Variants in FBXL7 observed in about 807,000 individuals in gnomAD.
The protein encoded by FBXL7 is F-box and leucine rich repeat protein 7, also known as F-box/LRR-repeat protein 7.
Under a neutral mutation model 38.3 loss-of-function variants are expected in FBXL7, and 12 were observed. That is an observed-to-expected ratio of 0.31 (90% CI 0.20 to 0.51). The LOEUF (loss-of-function observed/expected upper bound fraction) is 0.51. Ranked by LOEUF, FBXL7 falls within the 20% of genes least tolerant of loss-of-function variation. The pLI is 0.98. For synonymous variants in FBXL7, 297 were observed against 300.9 expected (o/e 0.99, Z 0.13); for missense variants, 567 against 676.4 (o/e 0.84, Z 1.79).
intron 1 of FBXL7, among the ~76,000 whole-genome samples, chr5:15,573,746 T>G (rs1245714436): frequency 6.6e-6 from 1 of 152,242 alleles, no homozygotes; most frequent in Non-Finnish European, 1.5e-5. Context: ...TCAGGAGTAA[T>G]GTCAGTGTGC....
intron 1 of FBXL7, among the ~76,000 whole-genome samples, chr5:15,612,735 C>T (rs923791792): frequency 6.6e-6 from 1 of 152,144 alleles, no homozygotes; most frequent in Non-Finnish European, 1.5e-5. Flanking sequence ...TCAGTGAAGG[C>T]CACCTGATGC....
At chr5:15,554,498 T>C (rs2126426961) in intron 1 of FBXL7, among the ~76,000 whole-genome samples, 1 of 152,340 alleles carries the variant, frequency 6.6e-6, no homozygotes, top group Admixed American at 6.5e-5. Context: ...TAGGTACTTT[T>C]CTGTTTTTAT....
chr5:15,693,875 C>T (rs535035318), intron 2 of FBXL7, among the ~76,000 whole-genome samples: 1 of 152,298 alleles, frequency 6.6e-6, no homozygotes, highest in African/African-American at 2.4e-5. Flanking sequence ...CTGCTGAGTG[C>T]TACTTCCACC....
chr5:15,898,896 A>G (rs1174482501), intron 2 of FBXL7, among the ~76,000 whole-genome samples: 3 of 152,106 alleles, frequency 2.0e-5, no homozygotes, highest in African/African-American at 7.2e-5. Flanking sequence ...TTGGCCAGCA[A>G]ATTACAAGGA....
intron 1 of FBXL7, among the ~76,000 whole-genome samples, chr5:15,516,437 C>T (rs1438935137): frequency 6.6e-6 from 1 of 152,184 alleles, no homozygotes; most frequent in Non-Finnish European, 1.5e-5. Flanking sequence ...TATGTCTTCC[C>T]TCTGAACTAC....
At chr5:15,842,263 T>A (rs1374142630) in intron 2 of FBXL7, among the ~76,000 whole-genome samples, 1 of 152,228 alleles carries the variant, frequency 6.6e-6, no homozygotes, top group African/African-American at 2.4e-5. Flanking sequence ...GAGATCATTT[T>A]GGAACTTGAA....
At chr5:15,661,965 G>T (rs981785819) in intron 2 of FBXL7, among the ~76,000 whole-genome samples, 1 of 152,118 alleles carries the variant, frequency 6.6e-6, no homozygotes, top group Non-Finnish European at 1.5e-5. Context: ...CCATTTCATT[G>T]CTATCAGAAT....
intron 2 of FBXL7, among the ~76,000 whole-genome samples, chr5:15,815,348 C>CA (rs1737986801): frequency 6.6e-6 from 1 of 152,156 alleles, no homozygotes; most frequent in African/African-American, 2.4e-5. Context: ...TCCATGGAAA[C>CA]AGAGTTCTTT....
chr5:15,903,100 T>G (rs145535645), intron 2 of FBXL7, among the ~76,000 whole-genome samples: 1 of 152,356 alleles, frequency 6.6e-6, no homozygotes, highest in Non-Finnish European at 1.5e-5. Context: ...AATGACTACA[T>G]TGAGGGGTAG....
At chr5:15,656,943 A>G (rs1455160745) in intron 2 of FBXL7, among the ~76,000 whole-genome samples, 1 of 152,138 alleles carries the variant, frequency 6.6e-6, no homozygotes, top group Non-Finnish European at 1.5e-5. Context: ...GGCTAAATTG[A>G]TACAATAAAA....
At chr5:15,594,824 G>C (rs555462379) in intron 1 of FBXL7, among the ~76,000 whole-genome samples, 1 of 152,336 alleles carries the variant, frequency 6.6e-6, no homozygotes, top group East Asian at 1.9e-4. Context: ...AGAAGTTCCT[G>C]ATTGCAGGAG....
chr5:15,719,379 A>T (rs1744133868), intron 2 of FBXL7, among the ~76,000 whole-genome samples: 1 of 122,920 alleles, frequency 8.1e-6, no homozygotes, highest in African/African-American at 2.8e-5. Flanking sequence ...TGTTTCTGAT[A>T]TCATGCTAAG....
At chr5:15,651,773 A>C (rs1013670913) in intron 2 of FBXL7, among the ~76,000 whole-genome samples, 2 of 152,220 alleles carry the variant, frequency 1.3e-5, no homozygotes, top group Non-Finnish European at 2.9e-5. Context: ...GGCCTCTATC[A>C]AGAGAGTTAG....
At chr5:15,588,165 T>A (rs1056890833) in intron 1 of FBXL7, among the ~76,000 whole-genome samples, 2 of 152,176 alleles carry the variant, frequency 1.3e-5, no homozygotes, top group Admixed American at 1.3e-4. Context: ...GATTTATTGC[T>A]CAATGGTGGT....
intron 1 of FBXL7, among the ~76,000 whole-genome samples, chr5:15,570,883 G>A (rs1242622992): frequency 2.0e-5 from 3 of 151,980 alleles, no homozygotes; most frequent in African/African-American, 4.8e-5. Flanking sequence ...ACCTGAGGTC[G>A]GGAGTTCGAG....
intron 2 of FBXL7, among the ~76,000 whole-genome samples, chr5:15,701,651 A>G (rs1743528015): frequency 6.6e-6 from 1 of 152,202 alleles, no homozygotes; most frequent in East Asian, 1.9e-4. Context: ...AACATGATAA[A>G]TCTTGGAATG....
intron 2 of FBXL7, among the ~76,000 whole-genome samples, chr5:15,899,999 G>A (rs1332624225): frequency 6.6e-6 from 1 of 152,106 alleles, no homozygotes; most frequent in Non-Finnish European, 1.5e-5. Context: ...ATCTGTTGGG[G>A]AAGTCTACCT....
At chr5:15,930,127 T>C (rs1742000790) in intron 3 of FBXL7, among the ~76,000 whole-genome samples, 1 of 152,170 alleles carries the variant, frequency 6.6e-6, no homozygotes, top group South Asian at 2.1e-4. Flanking sequence ...GACAAAACCA[T>C]AGCAGCCATA....
At chr5:15,637,877 TACAA>T (rs1271261346) in intron 2 of FBXL7, among the ~76,000 whole-genome samples, 2 of 152,134 alleles carry the variant, frequency 1.3e-5, no homozygotes, top group African/African-American at 4.8e-5. Context: ...CTAGAACAAG[TACAA>T]ATCAACAAGT....
Sources: gnomAD v4.1 joint callset for allele counts (sites outside exome capture counted in the v4.1 genomes callset) on GRCh38, gnomAD v4.1.1 for gene constraint, MANE v1.5 for transcripts, NCBI Gene and HGNC (gene_info 2026-07-23, HGNC 2026-07-21) for gene names.